Variants in TECTA observed in about 807,000 individuals in gnomAD.
The protein encoded by TECTA is tectorin alpha.
TECTA carries 128 observed loss-of-function variants against 216.8 expected under a neutral mutation model. The observed-to-expected ratio is 0.59, with a 90% CI of 0.51 to 0.68. TECTA has a LOEUF of 0.68. Ranked by LOEUF, TECTA falls within the 30% of genes least tolerant of loss-of-function variation. TECTA has a pLI of 0.00. For missense variants in TECTA, 2,551 were observed against 2,786.2 expected (o/e 0.92, Z 1.90); for synonymous variants, 1,089 against 1,117.1 (o/e 0.97, Z 0.50).
At position 121,190,710 on chromosome 11, in the gene TECTA, T is replaced by C. The variant is rs746047578; in HGVS notation, c.6372T>C (p.Ser2124=). The C allele has an allele frequency of 6.2e-7, 1 of 1,613,158 alleles. No individual in the cohort carries two copies. Among genetic ancestry groups the C allele is most frequent in the African/African-American group, 1.3e-5 (1 of 74,918 alleles). The change falls in exon 24 of 24, where the codon TCT becomes TCC. Residue 2124 remains serine, a synonymous_variant. Coordinates refer to ENST00000392793, the MANE Select transcript of TECTA (RefSeq NM_005422.4). ...TGTGTTCCTCTCTGTTTACAGCCTC[T>C]AATTCTTCAATGGAACTTCAAGTCT... ...LQEDGKSCRA[S]NSSMELQVWT... is the part of the protein sequence containing the mutation.
intron 17 of TECTA, 28 bp downstream of exon 17, chr11:121,165,411 C>A: frequency 6.5e-7 from 1 of 1,541,844 alleles, no homozygotes; most frequent in Non-Finnish European, 8.8e-7. Context: ...CCTCCCCACC[C>A]AGAAAGGCCC....
chr11:121,102,626 G>T lies in TECTA; in HGVS notation c.-1-39G>T, dbSNP rs756491046. ...CCTGGTGTTCTGTTTACTCTGGCAAGCTGGGGATTTTTTTTTCATTTTCTT... is the reference window on the plus strand; with the variant it reads ...CCTGGTGTTCTGTTTACTCTGGCAATCTGGGGATTTTTTTTTCATTTTCTT... On this transcript the variant is annotated intron_variant, in intron 1 of 23. Transcript: ENST00000392793. The T allele has an allele frequency of 2.1e-5, 32 of 1,551,324 alleles. No individual in the cohort carries two copies. In the African/African-American group the frequency reaches 4.2e-4, roughly 20 times the overall value.
chr11:121,109,689 T>A, intron 4 of TECTA, 191 bp downstream of exon 4: 1 of 653,272 alleles, frequency 1.5e-6, no homozygotes, highest in Non-Finnish European at 2.6e-6. Context: ...CAGTCAGCTG[T>A]AATATTTCAG....
At chr11:121,180,957 G>C (rs980046467) in intron 20 of TECTA, among the ~76,000 whole-genome samples, 3 of 151,988 alleles carry the variant, frequency 2.0e-5, no homozygotes, top group South Asian at 2.1e-4. Context: ...CATGAGGTCA[G>C]GAGATTGAGA....
intron 16 of TECTA, among the ~76,000 whole-genome samples, chr11:121,163,741 A>C (rs569169718): frequency 3.9e-5 from 6 of 152,360 alleles, no homozygotes; most frequent in African/African-American, 1.4e-4. Flanking sequence ...GGCATGTCTT[A>C]TTTGCCAGTT....
chr11:121,179,576 A>AT (rs1185873509), intron 20 of TECTA, among the ~76,000 whole-genome samples: 1 of 151,944 alleles, frequency 6.6e-6, no homozygotes, highest in African/African-American at 2.4e-5. Context: ...ATTTAAGTAA[A>AT]TTTTTTTTGT....
At position 121,158,376 on chromosome 11, in the gene TECTA, G is replaced by C; in HGVS notation, c.4689+152G>C. On this transcript the variant is annotated intron_variant, in intron 14 of 23. Coordinates refer to ENST00000392793, the MANE Select transcript of TECTA (RefSeq NM_005422.4). ...AGTGACCAGGTTTTAAAGAATCAAA[G>C]TATGAAGATGTTTTAAGCCTGAGAA... 4 of 1,162,168 alleles carry C rather than the reference G, an allele frequency of 3.4e-6. No individual in the cohort carries two copies. In the South Asian group the frequency reaches 4.0e-5, roughly 12 times the overall value. The allele number at this position is 1,162,168 out of a possible 1,614,324, so 72.0% of individuals were successfully genotyped here.
At chr11:121,157,754 C>A in intron 13 of TECTA, 87 bp from the exon 14 acceptor site, 1 of 1,596,684 alleles carries the variant, frequency 6.3e-7, no homozygotes, top group Non-Finnish European at 8.6e-7. Flanking sequence ...GCTAGCCAAG[C>A]CTGATAAAAG....
intron 11 of TECTA, among the ~76,000 whole-genome samples, chr11:121,139,933 A>G (rs76912041): frequency 0.02 from 3,047 of 152,124 alleles, 109 homozygotes; most frequent in African/African-American, 0.069. Context: ...AAATATATCG[A>G]TCGTTTTGCC....
intron 7 of TECTA, among the ~76,000 whole-genome samples, chr11:121,120,971 A>G (rs1204839881): frequency 2.0e-5 from 3 of 152,202 alleles, no homozygotes; most frequent in Non-Finnish European, 4.4e-5. Flanking sequence ...TCTAGGAGGC[A>G]GAGCTCCTGG....
At chr11:121,174,486 A>T (rs901553937) in intron 20 of TECTA, among the ~76,000 whole-genome samples, 2 of 152,228 alleles carry the variant, frequency 1.3e-5, no homozygotes, top group Non-Finnish European at 2.9e-5. Flanking sequence ...TACATGCTGG[A>T]TTACATTTAT....
Position 121,129,833 on chromosome 11 carries a change from A to G in TECTA, c.2563A>G (p.Asn855Asp), listed in dbSNP as rs774411051. The G allele has an allele frequency of 1.2e-6, 2 of 1,614,228 alleles. No individual in the cohort carries two copies. Among genetic ancestry groups the G allele is most frequent in the Non-Finnish European group, 8.5e-7 (1 of 1,180,046 alleles). The part of the protein sequence containing the change: ...TGGLCGFYNA[N>D]ASDEFCLPNG... ...GGGCTTGTGCGGCTTCTACAATGCC[A>G]ACGCCAGTGACGAGTTCTGTCTCCC... Residue 855 changes from asparagine to aspartate, a missense_variant, in exon 10 of 24, where the codon AAC (asparagine) becomes GAC (aspartate). Coordinates refer to ENST00000392793, the MANE Select transcript of TECTA (RefSeq NM_005422.4).
chr11:121,125,895 T>C lies in TECTA; in HGVS notation c.1774+23T>C, dbSNP rs770328231. On this transcript the variant is annotated intron_variant, in intron 8 of 23. Coordinates refer to ENST00000392793, the MANE Select transcript of TECTA (RefSeq NM_005422.4). ...GTGGTAAGCTGGCATCCCATCCCCA[T>C]GACAGGTCTCTCTTGTGCAGGGGGC... 2.2e-5 allele frequency: 36 copies of C among 1,601,830 alleles called. No homozygotes were observed. In the Admixed American group the frequency reaches 6.0e-4, roughly 27 times the overall value.
At chr11:121,134,172 C>T (rs771342550) in intron 10 of TECTA, among the ~76,000 whole-genome samples, 1 of 152,068 alleles carries the variant, frequency 6.6e-6, no homozygotes, top group Non-Finnish European at 1.5e-5. Flanking sequence ...TTAATCTTCC[C>T]TGCCCCATGC....
chr11:121,160,542 C>A, intron 15 of TECTA, 121 bp downstream of exon 15: 1 of 1,396,044 alleles, frequency 7.2e-7, no homozygotes, highest in Non-Finnish European at 9.9e-7. Context: ...CAGAGACGAG[C>A]CAAAGCTCTT....
intron 15 of TECTA, among the ~76,000 whole-genome samples, chr11:121,160,834 A>T (rs909654014): frequency 2.6e-5 from 4 of 152,312 alleles, no homozygotes; most frequent in Admixed American, 2.6e-4. Context: ...CTTGCCTCTT[A>T]CAAGAAGGCT....
intron 16 of TECTA, among the ~76,000 whole-genome samples, chr11:121,164,784 C>T (rs1479443595): frequency 6.6e-6 from 1 of 152,114 alleles, no homozygotes; most frequent in African/African-American, 2.4e-5. Context: ...ATCTTACTGG[C>T]CCTAATATGT....
At chr11:121,177,668 C>T (rs969832380) in intron 20 of TECTA, among the ~76,000 whole-genome samples, 3 of 152,260 alleles carry the variant, frequency 2.0e-5, no homozygotes, top group Non-Finnish European at 4.4e-5. Context: ...GTTCTCAGAT[C>T]TCCAGCTGCG....
chr11:121,190,843 C>T lies in TECTA; in HGVS notation c.*37C>T. The T allele has an allele frequency of 1.4e-6, 2 of 1,440,352 alleles. No individual in the cohort carries two copies. The highest frequency in any genetic ancestry group is 1.9e-6 in the Non-Finnish European group (2 of 1,029,882). The allele number at this position is 1,440,352 out of a possible 1,614,324, so 89.2% of individuals were successfully genotyped here. On this transcript the variant is annotated 3_prime_UTR_variant, in exon 24 of 24. Transcript: ENST00000392793. The stretch of plus-strand genomic sequence containing the variant: ...TTGCTATATAAAGTACTGTAATTTA[C>T]TTACTTCAACACCCTGTAGGATAAA...
Sources: gnomAD v4.1 joint callset for allele counts (sites outside exome capture counted in the v4.1 genomes callset) on GRCh38, gnomAD v4.1.1 for gene constraint, MANE v1.5 for transcripts, NCBI Gene and HGNC (gene_info 2026-07-23, HGNC 2026-07-21) for gene names.